Variants in PRKCH observed in about 807,000 individuals in gnomAD.
The protein encoded by PRKCH is protein kinase C eta type.
A neutral mutation model predicts 82.5 loss-of-function variants in PRKCH; 28 were observed. The ratio of observed to expected loss-of-function variants is 0.34; its 90% confidence interval spans 0.25 to 0.47. The LOEUF (loss-of-function observed/expected upper bound fraction) is 0.47. Among genes scored for constraint, PRKCH ranks in the 20% least tolerant of loss-of-function variants. PRKCH has a pLI of 1.00. For synonymous variants in PRKCH, 322 were observed against 327.4 expected (o/e 0.98, Z 0.18); for missense variants, 705 against 881.8 (o/e 0.80, Z 2.54).
intron 2 of PRKCH, among the ~76,000 whole-genome samples, chr14:61,424,080 A>G (rs566889603): frequency 1.8e-3 from 281 of 152,344 alleles, no homozygotes; most frequent in Non-Finnish European, 3.2e-3. Flanking sequence ...CATGTAAGAC[A>G]TATCTGCTTC....
intron 10 of PRKCH, among the ~76,000 whole-genome samples, chr14:61,507,310 A>G (rs914666104): frequency 1.3e-5 from 2 of 152,168 alleles, no homozygotes; most frequent in Admixed American, 6.5e-5. Flanking sequence ...TGTGGAGAAA[A>G]GGGAACCCTA....
chr14:61,322,164 G>A lies in PRKCH; in HGVS notation c.63G>A (p.Gly21=), dbSNP rs1329001620. Residue 21 remains glycine, a synonymous_variant, in exon 1 of 14, where the codon GGG becomes GGA. Coordinates refer to ENST00000332981, the MANE Select transcript of PRKCH (RefSeq NM_006255.5). ...GGGTCCGCATCGGTGAGGCAGTGGGGCTGCAGCCCACCCGCTGGTCCCTGC... is the reference window on the plus strand; with the variant it reads ...GGGTCCGCATCGGTGAGGCAGTGGGACTGCAGCCCACCCGCTGGTCCCTGC... ...YLRVRIGEAV[G]LQPTRWSLRH... 3.1e-6 allele frequency: 5 copies of A among 1,609,692 alleles called. No individual in the cohort carries two copies. In the South Asian group the frequency reaches 3.3e-5, roughly 11 times the overall value.
intron 1 of PRKCH, among the ~76,000 whole-genome samples, chr14:61,355,257 T>C (rs2046133361): frequency 6.6e-6 from 1 of 152,208 alleles, no homozygotes; most frequent in Non-Finnish European, 1.5e-5. Flanking sequence ...AATCCTACTT[T>C]ATTTCTCATT....
chr14:61,235,933 T>A (rs2044784189), intron 1 of PRKCH, among the ~76,000 whole-genome samples: 1 of 152,170 alleles, frequency 6.6e-6, no homozygotes, highest in Non-Finnish European at 1.5e-5. Flanking sequence ...ACCCTTCCTC[T>A]CAGCTAAGGA....
chr14:61,400,967 G>T (rs564982859), intron 2 of PRKCH, among the ~76,000 whole-genome samples: 9 of 152,104 alleles, frequency 5.9e-5, no homozygotes, highest in Admixed American at 2.0e-4. Context: ...AGTTGGGGGT[G>T]GGGGGGCAGC....
At chr14:61,512,962 A>G (rs756961222) in intron 10 of PRKCH, among the ~76,000 whole-genome samples, 13 of 152,108 alleles carry the variant, frequency 8.5e-5, no homozygotes, top group Non-Finnish European at 1.8e-4. Context: ...GACTACAGGT[A>G]CACACCACCA....
chr14:61,433,767 G>A (rs527646149), intron 2 of PRKCH, among the ~76,000 whole-genome samples: 2 of 152,198 alleles, frequency 1.3e-5, no homozygotes, highest in African/African-American at 2.4e-5. Flanking sequence ...GATGTTTTGG[G>A]TGAAAGTAGT....
chr14:61,204,992 T>A (rs907481876), intron 1 of PRKCH, among the ~76,000 whole-genome samples: 1 of 152,222 alleles, frequency 6.6e-6, no homozygotes, highest in African/African-American at 2.4e-5. Context: ...TCTTACCATA[T>A]GCTTTGTATT....
intron 1 of PRKCH, among the ~76,000 whole-genome samples, chr14:61,338,671 A>G (rs1413296752): frequency 6.6e-6 from 1 of 152,172 alleles, no homozygotes; most frequent in Non-Finnish European, 1.5e-5. Context: ...TCTAGGTACA[A>G]CTGTGACCTT....
chr14:61,223,533 C>G (rs1001769427), intron 1 of PRKCH, among the ~76,000 whole-genome samples: 3 of 152,216 alleles, frequency 2.0e-5, no homozygotes, highest in South Asian at 2.1e-4. Context: ...CAACTTCTCT[C>G]TAACCCCTGC....
intron 1 of PRKCH, among the ~76,000 whole-genome samples, chr14:61,296,244 A>G (rs1205123972): frequency 6.6e-6 from 1 of 152,210 alleles, no homozygotes; most frequent in Non-Finnish European, 1.5e-5. Context: ...AAACCACTTC[A>G]GAAGGGCTGA....
intron 4 of PRKCH, among the ~76,000 whole-genome samples, chr14:61,446,751 G>A (rs184490428): frequency 4.6e-5 from 7 of 152,332 alleles, no homozygotes; most frequent in African/African-American, 1.7e-4. Context: ...GTCACTTTGT[G>A]GCATGGGCCT....
chr14:61,344,704 C>G (rs1363338620), intron 1 of PRKCH, among the ~76,000 whole-genome samples: 1 of 152,048 alleles, frequency 6.6e-6, no homozygotes, highest in African/African-American at 2.4e-5. Context: ...TGGTCCCTTG[C>G]ACTGATGAAT....
intron 9 of PRKCH, among the ~76,000 whole-genome samples, chr14:61,478,727 G>A (rs1418722230): frequency 2.6e-5 from 4 of 152,010 alleles, no homozygotes; most frequent in African/African-American, 9.7e-5. Context: ...AGATGTGGTG[G>A]CACAAACCTG....
chr14:61,246,412 A>AG (rs2044883789), intron 1 of PRKCH, among the ~76,000 whole-genome samples: 1 of 32 alleles, frequency 0.031, no homozygotes, highest in African/African-American at 0.12. Flanking sequence ...TGTCTCAAAG[A>AG]AAAAAAAAAA....
rs781269277 is a variant in PRKCH, at chr14:61,280,574, C to A, written c.-19+92906C>A. ...GTCCACCAGGCGATGCCGGAGCGGT[C>A]GAGCGGCACCTCGACGTAGGGCCCG... On this transcript the variant is annotated intron_variant, in intron 1 of 3. Transcript: ENST00000555185. The surrounding 1 kb of genome is among the most constrained non-coding windows in gnomAD (Gnocchi z 5.0). 1.2e-6 allele frequency: 2 copies of A among 1,603,560 alleles called. No homozygotes were observed. The highest frequency in any genetic ancestry group is 1.7e-6 in the Non-Finnish European group (2 of 1,175,554).
At chr14:61,220,436 G>A (rs1461220914) in intron 1 of PRKCH, among the ~76,000 whole-genome samples, 1 of 152,224 alleles carries the variant, frequency 6.6e-6, no homozygotes, top group Non-Finnish European at 1.5e-5. Context: ...GGGCATTTGA[G>A]GATTAAAGAG....
chr14:61,299,234 T>C (rs2045430372), intron 1 of PRKCH, among the ~76,000 whole-genome samples: 1 of 152,094 alleles, frequency 6.6e-6, no homozygotes, highest in Admixed American at 6.5e-5. Flanking sequence ...TCCAGAAAGA[T>C]TACACTGAAG....
chr14:61,454,719 G>A (rs972728247), intron 7 of PRKCH, among the ~76,000 whole-genome samples: 8 of 152,166 alleles, frequency 5.3e-5, no homozygotes, highest in African/African-American at 1.9e-4. Context: ...ACATGTTTTT[G>A]TCAGCACTCT....
Sources: gnomAD v4.1 joint callset for allele counts (sites outside exome capture counted in the v4.1 genomes callset) on GRCh38, gnomAD v4.1.1 for gene constraint, Gnocchi (gnomAD v3.1) non-coding constraint, MANE v1.5 for transcripts, NCBI Gene and HGNC (gene_info 2026-07-23, HGNC 2026-07-21) for gene names.